The following TMC1 variants were observed in gnomAD, a reference collection of about 807,000 sequenced individuals.
TMC1 encodes transmembrane channel like 1, also known as transmembrane channel-like protein 1.
TMC1 carries 84 observed loss-of-function variants against 105.8 expected under a neutral mutation model. The observed-to-expected ratio is 0.79, with a 90% CI of 0.67 to 0.95. The LOEUF is 0.95. Among genes scored for constraint, TMC1 ranks in the 40% least tolerant of loss-of-function variants. TMC1 has a pLI of 0.00. For synonymous variants in TMC1, 315 were observed against 311.5 expected (o/e 1.01, Z -0.12); for missense variants, 817 against 914.1 (o/e 0.89, Z 1.37).
intron 1 of TMC1, among the ~76,000 whole-genome samples, chr9:72,565,155 G>T (rs1022095773): frequency 6.6e-6 from 1 of 152,158 alleles, no homozygotes; most frequent in Admixed American, 6.5e-5. Flanking sequence ...GCATAATATT[G>T]TACTGTTACT....
intron 12 of TMC1, among the ~76,000 whole-genome samples, chr9:72,769,855 A>G (rs549972970): frequency 8.9e-4 from 135 of 152,308 alleles, no homozygotes; most frequent in South Asian, 6.2e-3. Flanking sequence ...AGGGTTAAAT[A>G]AAGAGTTCAG....
intron 17 of TMC1, among the ~76,000 whole-genome samples, chr9:72,800,586 G>A (rs58884682): frequency 0.17 from 26,390 of 150,856 alleles, 2,555 homozygotes; most frequent in African/African-American, 0.22. Flanking sequence ...ACTTAAAAGA[G>A]AAGAAATACC....
intron 13 of TMC1, among the ~76,000 whole-genome samples, chr9:72,774,759 C>A (rs924956521): frequency 6.6e-6 from 1 of 152,182 alleles, no homozygotes; most frequent in Non-Finnish European, 1.5e-5. Context: ...TCTCACTCCA[C>A]CACCAGCCCA....
intron 5 of TMC1, among the ~76,000 whole-genome samples, chr9:72,667,098 AAAC>A (rs1277330906): frequency 1.3e-5 from 2 of 152,010 alleles, no homozygotes; most frequent in African/African-American, 4.8e-5. Flanking sequence ...CAAACAAACA[AAAC>A]AACCAAAAAC....
chr9:72,549,425 C>T (rs1823822454), intron 1 of TMC1, among the ~76,000 whole-genome samples: 1 of 151,656 alleles, frequency 6.6e-6, no homozygotes, highest in South Asian at 2.1e-4. Flanking sequence ...GTAAGTCTAG[C>T]CATATTAAAT....
chr9:72,556,846 C>A (rs185939471), intron 1 of TMC1, among the ~76,000 whole-genome samples: 15 of 151,272 alleles, frequency 9.9e-5, no homozygotes, highest in South Asian at 2.1e-4. Flanking sequence ...AACAAACAAA[C>A]AAAAAAATTG....
At chr9:72,724,007 T>C (rs1190372604) in intron 8 of TMC1, among the ~76,000 whole-genome samples, 2 of 152,222 alleles carry the variant, frequency 1.3e-5, no homozygotes, top group East Asian at 3.8e-4. Context: ...CATCTTGAGG[T>C]TCTGCCCATA....
chr9:72,546,569 C>T (rs1823772401), intron 1 of TMC1, among the ~76,000 whole-genome samples: 1 of 152,284 alleles, frequency 6.6e-6, no homozygotes, highest in East Asian at 1.9e-4. Flanking sequence ...TGGCCATTTC[C>T]TTATACTTGT....
intron 8 of TMC1, among the ~76,000 whole-genome samples, chr9:72,722,932 A>G (rs180752958): frequency 1.1e-4 from 16 of 152,332 alleles, no homozygotes; most frequent in Non-Finnish European, 2.1e-4. Context: ...GTGAGCCAGC[A>G]TAAGTCAGCT....
intron 13 of TMC1, among the ~76,000 whole-genome samples, chr9:72,782,813 TC>T (rs1255021142): frequency 6.6e-6 from 1 of 152,074 alleles, no homozygotes; most frequent in Non-Finnish European, 1.5e-5. Flanking sequence ...ATGGAAAAAT[TC>T]CATGCTCATA....
intron 4 of TMC1, among the ~76,000 whole-genome samples, chr9:72,644,968 G>C (rs1052459024): frequency 2.1e-4 from 32 of 152,080 alleles, no homozygotes; most frequent in African/African-American, 7.0e-4. Context: ...CAAATTTATC[G>C]TGAAGCGTGG....
chr9:72,560,064 T>C (rs1290380274), intron 1 of TMC1, among the ~76,000 whole-genome samples: 1 of 152,174 alleles, frequency 6.6e-6, no homozygotes, highest in Non-Finnish European at 1.5e-5. Flanking sequence ...AAATGAATAA[T>C]AGTTGCGTCT....
intron 5 of TMC1, among the ~76,000 whole-genome samples, chr9:72,660,586 G>C (rs1825957012): frequency 6.6e-6 from 1 of 152,128 alleles, no homozygotes; most frequent in Non-Finnish European, 1.5e-5. Flanking sequence ...TTTGCATATA[G>C]ATACATCTTG....
At chr9:72,534,614 A>G (rs2132059811) in intron 1 of TMC1, among the ~76,000 whole-genome samples, 1 of 152,336 alleles carries the variant, frequency 6.6e-6, no homozygotes, top group East Asian at 1.9e-4. Context: ...AAAATCCCAG[A>G]TATTTCAAAG....
At chr9:72,684,414 T>C (rs1826341760) in intron 5 of TMC1, among the ~76,000 whole-genome samples, 1 of 152,178 alleles carries the variant, frequency 6.6e-6, no homozygotes, top group Non-Finnish European at 1.5e-5. Flanking sequence ...GCACATCTTC[T>C]GCCATCCACA....
At chr9:72,547,306 G>A (rs1044890801) in intron 1 of TMC1, among the ~76,000 whole-genome samples, 2 of 149,814 alleles carry the variant, frequency 1.3e-5, no homozygotes, top group African/African-American at 2.5e-5. Flanking sequence ...AAAAAAAATG[G>A]TTAAAAAGAT....
At chr9:72,772,225 C>T (rs1827939541) in intron 12 of TMC1, among the ~76,000 whole-genome samples, 188 bp from the exon 13 acceptor site, 1 of 152,170 alleles carries the variant, frequency 6.6e-6, no homozygotes, top group South Asian at 2.1e-4. Flanking sequence ...TTCAAATAAA[C>T]TGAAAAGCTG....
chr9:72,746,029 C>T (rs1408266360), intron 10 of TMC1, among the ~76,000 whole-genome samples: 3 of 152,212 alleles, frequency 2.0e-5, no homozygotes, highest in Admixed American at 6.5e-5. Flanking sequence ...AATTTGAATG[C>T]AAAACAGATT....
chr9:72,625,702 G>GAA (rs1160091167), intron 3 of TMC1, among the ~76,000 whole-genome samples: 2 of 134,004 alleles, frequency 1.5e-5, no homozygotes, highest in African/African-American at 5.6e-5. Flanking sequence ...AAAAAAAAAA[G>GAA]AAAAAAAAAA....
Sources: gnomAD v4.1 joint callset for allele counts (sites outside exome capture counted in the v4.1 genomes callset) on GRCh38, gnomAD v4.1.1 for gene constraint, MANE v1.5 for transcripts, NCBI Gene and HGNC (gene_info 2026-07-23, HGNC 2026-07-21) for gene names.